Variants in DLG2 observed in about 807,000 individuals in gnomAD.
DLG2 encodes the protein disks large homolog 2.
DLG2 carries 45 observed loss-of-function variants against 132.5 expected under a neutral mutation model. The observed-to-expected ratio is 0.34, with a 90% CI of 0.27 to 0.44. DLG2 has a LOEUF of 0.44. Ranked by LOEUF, DLG2 falls within the 20% of genes least tolerant of loss-of-function variation. DLG2 has a pLI of 1.00. For synonymous variants in DLG2, 424 were observed against 419.6 expected (o/e 1.01, Z -0.13); for missense variants, 1,045 against 1,196.9 (o/e 0.87, Z 1.87).
intron 6 of DLG2, among the ~76,000 whole-genome samples, chr11:84,716,299 A>G (rs2061217684): frequency 1.3e-5 from 2 of 152,222 alleles, no homozygotes; most frequent in South Asian, 4.1e-4. Context: ...AAAATAGTAA[A>G]GCAAAGGAAT....
At chr11:85,491,474 T>G (rs1355080607) in intron 3 of DLG2, among the ~76,000 whole-genome samples, 1 of 152,044 alleles carries the variant, frequency 6.6e-6, no homozygotes, top group African/African-American at 2.4e-5. Flanking sequence ...AAAAGTTAAA[T>G]TGTCCCTGTT....
intron 9 of DLG2, among the ~76,000 whole-genome samples, chr11:84,150,276 T>G (rs186839206): frequency 6.6e-6 from 1 of 152,282 alleles, no homozygotes; most frequent in African/African-American, 2.4e-5. Flanking sequence ...CTTTCTCCTT[T>G]TTGGTTAGAT....
At chr11:83,891,040 C>T (rs2069672007) in intron 15 of DLG2, among the ~76,000 whole-genome samples, 1 of 152,044 alleles carries the variant, frequency 6.6e-6, no homozygotes, top group African/African-American at 2.4e-5. Context: ...AGGGAATATG[C>T]ATGCCATCAA....
chr11:84,316,696 C>A, intron 7 of DLG2: 1 of 1,038,450 alleles, frequency 9.6e-7, no homozygotes, highest in South Asian at 1.7e-5. Context: ...ACAGGTTTTT[C>A]TTGGCCTAAT....
intron 18 of DLG2, among the ~76,000 whole-genome samples, chr11:83,747,306 T>G (rs572887051): frequency 3.4e-5 from 5 of 148,868 alleles, no homozygotes; most frequent in Non-Finnish European, 6.0e-5. Flanking sequence ...CTTCCTTCCT[T>G]CCTTCCTTCC....
At chr11:85,507,816 C>G (rs2093969774) in intron 3 of DLG2, among the ~76,000 whole-genome samples, 1 of 152,118 alleles carries the variant, frequency 6.6e-6, no homozygotes, top group Non-Finnish European at 1.5e-5. Context: ...CAACTTGGTT[C>G]CGTTCTCCCA....
At chr11:83,946,420 C>T (rs1030713373) in intron 14 of DLG2, among the ~76,000 whole-genome samples, 20 of 152,178 alleles carry the variant, frequency 1.3e-4, no homozygotes, top group Admixed American at 1.3e-3. Flanking sequence ...CCCACTTCCA[C>T]CCTGGACATC....
intron 15 of DLG2, among the ~76,000 whole-genome samples, chr11:83,886,661 C>A (rs955084927): frequency 2.0e-5 from 3 of 151,558 alleles, no homozygotes; most frequent in Non-Finnish European, 4.4e-5. Flanking sequence ...TTCAGCACCA[C>A]ACCACACCTA....
intron 4 of DLG2, among the ~76,000 whole-genome samples, chr11:85,226,019 C>G (rs905817551): frequency 6.6e-6 from 1 of 152,006 alleles, no homozygotes; most frequent in Non-Finnish European, 1.5e-5. Context: ...ATCTCTGATT[C>G]CTTCCTTATC....
chr11:84,269,018 T>C (rs552890199), intron 7 of DLG2, among the ~76,000 whole-genome samples: 7 of 116,334 alleles, frequency 6.0e-5, no homozygotes, highest in Middle Eastern at 5.1e-3. Context: ...TCTTTTGTTT[T>C]GTTTGTAGTG....
chr11:83,982,340 T>C (rs2092861070), intron 11 of DLG2, among the ~76,000 whole-genome samples: 1 of 152,074 alleles, frequency 6.6e-6, no homozygotes, highest in Admixed American at 6.6e-5. Context: ...TGTAACATTT[T>C]ACATGTTATT....
intron 9 of DLG2, among the ~76,000 whole-genome samples, chr11:84,125,012 G>A (rs549347708): frequency 2.6e-5 from 4 of 151,812 alleles, no homozygotes; most frequent in Non-Finnish European, 5.9e-5. Context: ...CACCATGCCC[G>A]GCTAATTTTG....
rs2097230898 is a variant in DLG2, at chr11:84,241,829, T to C, written c.573+9409A>G. 3.3e-5 allele frequency among the ~76,000 whole-genome samples: 5 copies of C among 152,314 alleles called. No homozygotes were observed. In the South Asian group the frequency reaches 1.0e-3, roughly 32 times the overall value. ...AACTTCAGCAATCCTAAGAATCACCTGAGGTACTTTTAAGAACAAATTTTT... is the reference window on the plus strand; with the variant it reads ...AACTTCAGCAATCCTAAGAATCACCCGAGGTACTTTTAAGAACAAATTTTT... On this transcript the variant is annotated intron_variant, in intron 8 of 27. Transcript: ENST00000376104.
intron 18 of DLG2, among the ~76,000 whole-genome samples, chr11:83,763,073 C>A (rs1483487421): frequency 3.3e-5 from 5 of 152,348 alleles, no homozygotes; most frequent in Non-Finnish European, 5.9e-5. Flanking sequence ...GGCTGCCATA[C>A]TACCCTTTTG....
At chr11:84,310,388 T>C (rs1041395725) in intron 7 of DLG2, among the ~76,000 whole-genome samples, 3 of 152,144 alleles carry the variant, frequency 2.0e-5, no homozygotes, top group Admixed American at 2.0e-4. Context: ...ATTGGGAAAA[T>C]TGAAGGAAAT....
intron 4 of DLG2, among the ~76,000 whole-genome samples, chr11:85,231,641 A>G (rs1431893891): frequency 6.6e-6 from 1 of 151,886 alleles, no homozygotes; most frequent in Non-Finnish European, 1.5e-5. Flanking sequence ...ACATCATCAG[A>G]GTGACGAGTT....
intron 6 of DLG2, among the ~76,000 whole-genome samples, chr11:84,660,871 T>C (rs1234540426): frequency 6.6e-6 from 1 of 152,176 alleles, no homozygotes; most frequent in Non-Finnish European, 1.5e-5. Flanking sequence ...ATGATTTAAA[T>C]GAAATTGATG....
intron 10 of DLG2, 103 bp from the exon 11 acceptor site, chr11:84,059,587 C>G (rs948073754): frequency 3.2e-6 from 3 of 940,964 alleles, no homozygotes; most frequent in Non-Finnish European, 4.5e-6. Context: ...AGTAAAGAAT[C>G]TAAAAAATTT....
intron 3 of DLG2, among the ~76,000 whole-genome samples, chr11:85,447,266 T>G (rs557794033): frequency 1.3e-3 from 193 of 152,242 alleles, no homozygotes; most frequent in Middle Eastern, 6.8e-3. Flanking sequence ...AAAAACACAT[T>G]TGTTATGGAC....
Sources: gnomAD v4.1 joint callset for allele counts (sites outside exome capture counted in the v4.1 genomes callset) on GRCh38, gnomAD v4.1.1 for gene constraint, MANE v1.5 for transcripts, NCBI Gene and HGNC (gene_info 2026-07-23, HGNC 2026-07-21) for gene names.